SRGAP3: variants seen among roughly 807,000 people sequenced by gnomAD.
SRGAP3 encodes SLIT-ROBO Rho GTPase-activating protein 3.
In SRGAP3, 39 loss-of-function variants were observed where a neutral mutation model predicts 121.1. The ratio of observed to expected loss-of-function variants is 0.32; its 90% confidence interval spans 0.25 to 0.42. SRGAP3 has a LOEUF of 0.42. Among genes scored for constraint, SRGAP3 ranks in the 10% least tolerant of loss-of-function variants. The pLI is 1.00. For synonymous variants in SRGAP3, 601 were observed against 570.0 expected, an observed-to-expected ratio of 1.05 and a Z score of -0.77; for missense variants, 1,213 against 1,470.6, an observed-to-expected ratio of 0.82 and a Z score of 2.86.
At chr3:9,281,941 C>A (rs1954687708) in intron 3 of SRGAP3, among the ~76,000 whole-genome samples, 1 of 152,208 alleles carries the variant, frequency 6.6e-6, no homozygotes, top group Non-Finnish European at 1.5e-5. Context: ...GCTGGGACTA[C>A]AGGCATGAGC....
chr3:9,166,577 T>C (rs568095646), intron 1 of SRGAP3, among the ~76,000 whole-genome samples: 12 of 152,300 alleles, frequency 7.9e-5, no homozygotes, highest in African/African-American at 2.9e-4. Context: ...AGCAACAATG[T>C]AGAAGGAACG....
intron 3 of SRGAP3, among the ~76,000 whole-genome samples, chr3:9,304,589 C>T (rs1200621573): frequency 3.3e-5 from 5 of 152,204 alleles, no homozygotes; most frequent in African/African-American, 1.2e-4. Context: ...TTCTGCTGCC[C>T]TTGGCTCTCT....
chr3:9,172,777 A>G (rs983395900), intron 1 of SRGAP3, among the ~76,000 whole-genome samples: 1 of 152,230 alleles, frequency 6.6e-6, no homozygotes, highest in Non-Finnish European at 1.5e-5. Context: ...CTCCACTGAC[A>G]GTAACAGAGA....
chr3:9,177,064 G>A (rs1222463133), intron 1 of SRGAP3, among the ~76,000 whole-genome samples: 1 of 152,144 alleles, frequency 6.6e-6, no homozygotes, highest in East Asian at 1.9e-4. Context: ...TTCTTAACCT[G>A]AAGTTCAGAG....
chr3:8,981,425 C>A lies in SRGAP3; in HGVS notation c.*4094G>T, dbSNP rs1401812719. The A allele has an allele frequency of 8.6e-6, 2 of 232,458 alleles. No individual in the cohort carries two copies. The highest frequency in any genetic ancestry group is 1.7e-5 in the Non-Finnish European group (2 of 117,632). The allele number at this position is 232,458 out of a possible 1,614,324, so 14.4% of individuals were successfully genotyped here. On this transcript the variant is annotated 3_prime_UTR_variant, in exon 22 of 22. Transcript: ENST00000383836. ...GTTTCTCAGGAGAGTGAGGCATTTG[C>A]ACTAGTGTGGAACCATCTGGATGTG...
At chr3:9,071,677 T>C (rs1381712427) in intron 4 of SRGAP3, among the ~76,000 whole-genome samples, 1 of 151,088 alleles carries the variant, frequency 6.6e-6, no homozygotes, top group Non-Finnish European at 1.5e-5. Context: ...GATGGATGGA[T>C]GGATGGATGG....
chr3:9,187,903 C>A (rs1951647793), intron 1 of SRGAP3, among the ~76,000 whole-genome samples: 1 of 152,142 alleles, frequency 6.6e-6, no homozygotes, highest in Non-Finnish European at 1.5e-5. Flanking sequence ...AAACAGAAAC[C>A]AGGTTCACAA....
At chr3:9,355,665 C>G (rs964327264) in intron 1 of SRGAP3, 3 of 152,340 alleles carry the variant, frequency 2.0e-5, no homozygotes, top group Non-Finnish European at 4.4e-5. Context: ...TCTCCAGCAC[C>G]GTCCACCAAC....
chr3:9,348,822 C>T, intron 1 of SRGAP3: 2 of 1,358,368 alleles, frequency 1.5e-6, no homozygotes, highest in East Asian at 2.3e-5. Context: ...CTAATGGAGC[C>T]CGACCATCCT....
At chr3:9,222,378 C>T (rs1952843084) in intron 1 of SRGAP3, among the ~76,000 whole-genome samples, 1 of 152,220 alleles carries the variant, frequency 6.6e-6, no homozygotes, top group South Asian at 2.1e-4. Context: ...GCCCTCCTTC[C>T]TGGTCCCAGG....
chr3:9,029,781 G>A (rs1484883315), intron 12 of SRGAP3, among the ~76,000 whole-genome samples: 1 of 152,076 alleles, frequency 6.6e-6, no homozygotes, highest in Non-Finnish European at 1.5e-5. Flanking sequence ...GCTCATAGTA[G>A]GTGCACAGTA....
rs1042455574 is a variant in SRGAP3 at position 9,315,326 on chromosome 3, A to C, written n.442+10684T>G. 7.9e-5 allele frequency among the ~76,000 whole-genome samples: 12 copies of C among 152,334 alleles called. No individual in the cohort carries two copies. In the East Asian group the frequency reaches 2.1e-3, roughly 27 times the overall value. ...TCCCAGAAAAGTCCCACTGCATTTCACAGGCTATGGCTGGACCACAACCCC... is the reference window on the plus strand; with the variant it reads ...TCCCAGAAAAGTCCCACTGCATTTCCCAGGCTATGGCTGGACCACAACCCC... On this transcript the variant is annotated intron_variant and non_coding_transcript_variant, in intron 3 of 3. Coordinates refer to the SRGAP3 transcript ENST00000490889.
intron 1 of SRGAP3, among the ~76,000 whole-genome samples, chr3:9,165,990 A>G (rs1253621901): frequency 1.3e-5 from 2 of 152,212 alleles, no homozygotes; most frequent in Non-Finnish European, 2.9e-5. Flanking sequence ...ATCTGTTTTC[A>G]CTTATCACTG....
At chr3:9,322,922 T>C (rs1267003134) in intron 3 of SRGAP3, among the ~76,000 whole-genome samples, 2 of 151,856 alleles carry the variant, frequency 1.3e-5, no homozygotes, top group African/African-American at 4.8e-5. Flanking sequence ...CACCAAAGCC[T>C]AGAAATATCC....
intron 2 of SRGAP3, among the ~76,000 whole-genome samples, chr3:9,105,589 C>T (rs1560159659): frequency 6.6e-6 from 1 of 152,214 alleles, no homozygotes; most frequent in Non-Finnish European, 1.5e-5. Context: ...TCCAGTCCCA[C>T]TCCAGACCTG....
intron 2 of SRGAP3, among the ~76,000 whole-genome samples, chr3:9,115,133 G>A (rs382530): frequency 0.18 from 27,527 of 152,048 alleles, 2,614 homozygotes; most frequent in Admixed American, 0.23. Flanking sequence ...CTGAAGTTAG[G>A]GTTCACCCTG....
chr3:9,283,306 C>T (rs13061863), intron 3 of SRGAP3, among the ~76,000 whole-genome samples: 22,001 of 152,086 alleles, frequency 0.14, 1,887 homozygotes, highest in South Asian at 0.2. Context: ...TTTCATACTC[C>T]GTTAACATTA....
At chr3:9,191,950 A>G (rs1159298185) in intron 1 of SRGAP3, among the ~76,000 whole-genome samples, 1 of 152,196 alleles carries the variant, frequency 6.6e-6, no homozygotes, top group Non-Finnish European at 1.5e-5. Context: ...AGGTTCCACC[A>G]TGATCGTAAG....
rs1349052130 is a variant in SRGAP3 at position 8,983,808 on chromosome 3, G to A, written c.*1711C>T. 1 of 230,334 alleles carries A rather than the reference G, an allele frequency of 4.3e-6. No individual in the cohort carries two copies. The highest frequency in any genetic ancestry group is 1.8e-4 in the South Asian group (1 of 5,520). 14.3% of individuals were successfully genotyped at this position (230,334 alleles called of 1,614,324 possible). On this transcript the variant is annotated 3_prime_UTR_variant, in exon 22 of 22. Transcript: ENST00000383836. ...GGAGCAGAACAGTCAGGCTCAATGA[G>A]GTGGAGTGACAAACCCTAAGTCAGA...
Sources: allele counts gnomAD v4.1 joint callset (sites outside exome capture counted in the v4.1 genomes callset), GRCh38; gene constraint gnomAD v4.1.1; transcripts MANE v1.5; gene names NCBI Gene and HGNC (gene_info 2026-07-23, HGNC 2026-07-21).